The following GFRAL variants were observed in gnomAD, a reference collection of about 807,000 sequenced individuals.
GFRAL encodes the protein GDNF family receptor alpha-like.
GFRAL carries 36 observed loss-of-function variants against 45.4 expected under a neutral mutation model. That is an observed-to-expected ratio of 0.79 (90% CI 0.61 to 1.05). GFRAL has a LOEUF of 1.05. Among genes scored for constraint, GFRAL ranks in the 50% least tolerant of loss-of-function variants. The pLI is 0.00. For synonymous variants in GFRAL, 166 were observed against 154.1 expected (o/e 1.08, Z -0.57); for missense variants, 507 against 467.5 (o/e 1.08, Z -0.78).
chr6:55,358,772 G>A (rs886228845), intron 5 of GFRAL, 116 bp from the exon 6 acceptor site: 2 of 875,002 alleles, frequency 2.3e-6, no homozygotes, highest in Admixed American at 5.1e-5. Flanking sequence ...TTTCAACTAT[G>A]TACTGGCATC....
At chr6:55,363,072 A>C (rs1170332797) in intron 6 of GFRAL, among the ~76,000 whole-genome samples, 1 of 151,808 alleles carries the variant, frequency 6.6e-6, no homozygotes, top group Admixed American at 6.6e-5. Flanking sequence ...AAAGAGGATT[A>C]AGAAAAAGCA....
At chr6:55,381,369 T>G (rs1449964656) in intron 6 of GFRAL, among the ~76,000 whole-genome samples, 1 of 151,938 alleles carries the variant, frequency 6.6e-6, no homozygotes, top group African/African-American at 2.4e-5. Context: ...CATCTGTCTA[T>G]CGATCCCTCA....
intron 3 of GFRAL, among the ~76,000 whole-genome samples, chr6:55,335,366 T>C (rs576545867): frequency 6.6e-6 from 1 of 152,136 alleles, no homozygotes; most frequent in Non-Finnish European, 1.5e-5. Flanking sequence ...GTTGAATAGA[T>C]TTTTTTTAAT....
chr6:55,382,059 G>A (rs1768616512), intron 6 of GFRAL, among the ~76,000 whole-genome samples: 2 of 151,684 alleles, frequency 1.3e-5, no homozygotes, highest in South Asian at 2.1e-4. Flanking sequence ...TTCAGTCCAG[G>A]TGCTAAAAAA....
chr6:55,378,704 A>T (rs1288773720), intron 6 of GFRAL, among the ~76,000 whole-genome samples: 1 of 150,884 alleles, frequency 6.6e-6, no homozygotes, highest in Non-Finnish European at 1.5e-5. Context: ...TGTTTTTTTT[A>T]ATCCCTTTGA....
intron 6 of GFRAL, 111 bp from the exon 7 acceptor site, chr6:55,399,069 A>G (rs566901892): frequency 1.8e-6 from 1 of 559,196 alleles, no homozygotes; most frequent in African/African-American, 1.9e-5. Flanking sequence ...TCAGATTAAA[A>G]TAATGTAATG....
rs569507381 is a variant in GFRAL, at chr6:55,341,359, G to C, written c.316+7415G>C. 3.9e-5 allele frequency among the ~76,000 whole-genome samples: 6 copies of C among 152,284 alleles called. No homozygotes were observed. The South Asian group carries it at 1.0e-3, about 26-fold the overall frequency. On this transcript the variant is annotated intron_variant, in intron 3 of 8. Coordinates refer to ENST00000340465, the MANE Select transcript of GFRAL (RefSeq NM_207410.2). ...GAACGATCAGACAACAACATTTGCT[G>C]TTCAGCAATATTTGCTGTTCTGCAA...
Position 55,399,405 on chromosome 6 carries a change from C to T in GFRAL, c.1085C>T (p.Thr362Ile), listed in dbSNP as rs980907727. The T allele has an allele frequency of 6.2e-7, 1 of 1,611,376 alleles. No homozygotes were observed. The highest frequency in any genetic ancestry group is 8.5e-7 in the Non-Finnish European group (1 of 1,177,692). Residue 362 changes from threonine to isoleucine, a missense_variant, in exon 8 of 9, where the codon ACC becomes ATC. By Grantham distance (89) the Thr-to-Ile change is moderately conservative (BLOSUM62 -1). Coordinates refer to ENST00000340465, the MANE Select transcript of GFRAL (RefSeq NM_207410.2). The stretch of plus-strand genomic sequence containing the variant: ...TATGCTGCCATGTGCATGACAGTCA[C>T]CTGTGGAATCCTTCTGTTGGTTATG... ...VIYAAMCMTVTCGILLLVMVK... is the reference protein window; with the variant it reads ...VIYAAMCMTVICGILLLVMVK...
intron 6 of GFRAL, among the ~76,000 whole-genome samples, chr6:55,364,017 A>T (rs1653899559): frequency 6.9e-6 from 1 of 143,994 alleles, no homozygotes. Flanking sequence ...CGCCACACTG[A>T]CTTCCACAAT....
chr6:55,378,935 T>C (rs1346511532), intron 6 of GFRAL, among the ~76,000 whole-genome samples: 1 of 151,920 alleles, frequency 6.6e-6, no homozygotes, highest in Non-Finnish European at 1.5e-5. Context: ...ACTTAACAGA[T>C]CCGATAATAT....
At chr6:55,371,929 C>T (rs1172717466) in intron 6 of GFRAL, among the ~76,000 whole-genome samples, 1 of 152,084 alleles carries the variant, frequency 6.6e-6, no homozygotes, top group Admixed American at 6.5e-5. Flanking sequence ...GAAGAGTTGC[C>T]TGGGTTTATT....
chr6:55,342,070 G>A (rs1202301250), intron 3 of GFRAL, among the ~76,000 whole-genome samples: 8 of 152,150 alleles, frequency 5.3e-5, no homozygotes, highest in Admixed American at 3.9e-4. Flanking sequence ...AAAGTGATGG[G>A]GAAAATGGAA....
intron 6 of GFRAL, among the ~76,000 whole-genome samples, chr6:55,378,347 GT>G (rs1200689939): frequency 4.6e-5 from 7 of 151,964 alleles, no homozygotes; most frequent in Non-Finnish European, 8.8e-5. Context: ...AAGTAGAAAG[GT>G]TACGGTATTA....
chr6:55,352,949 A>T (rs1157320902), intron 5 of GFRAL, among the ~76,000 whole-genome samples: 2 of 152,106 alleles, frequency 1.3e-5, no homozygotes, highest in Non-Finnish European at 2.9e-5. Flanking sequence ...ATATTAAATT[A>T]AAAATGTATG....
intron 6 of GFRAL, among the ~76,000 whole-genome samples, chr6:55,359,431 A>G (rs1480047164): frequency 6.6e-6 from 1 of 152,078 alleles, no homozygotes. Flanking sequence ...ATAAATGGAT[A>G]TATCAAGTAT....
intron 3 of GFRAL, among the ~76,000 whole-genome samples, chr6:55,336,092 G>A (rs1312060035): frequency 2.6e-5 from 4 of 152,088 alleles, no homozygotes; most frequent in Non-Finnish European, 5.9e-5. Flanking sequence ...TTACAGGCAT[G>A]TGCCACCACA....
intron 6 of GFRAL, among the ~76,000 whole-genome samples, chr6:55,376,143 T>C (rs1486860684): frequency 6.6e-6 from 1 of 152,188 alleles, no homozygotes; most frequent in East Asian, 1.9e-4. Flanking sequence ...TAGTTCTGTT[T>C]ATGTAATGAA....
Position 55,331,802 on chromosome 6 carries a change from G to C in GFRAL, c.110G>C (p.Gly37Ala), listed in dbSNP as rs1392027805. Reference sequence around the variant, plus strand: ...GAGCAATGCTTACGTGATGCAAATGGATGTAAACATGCTTGGAGAGTAATG... The same window carrying C: ...GAGCAATGCTTACGTGATGCAAATGCATGTAAACATGCTTGGAGAGTAATG... ...LREQCLRDAN[G>A]CKHAWRVMED... The change falls in exon 2 of 9, where the codon GGA becomes GCA. Residue 37 changes from glycine (G) to alanine (A), a missense_variant. By Grantham distance (60) the Gly-to-Ala change is moderately conservative (BLOSUM62 0). Coordinates refer to ENST00000340465, the MANE Select transcript of GFRAL (RefSeq NM_207410.2). 6.2e-7 allele frequency: 1 copy of C among 1,611,500 alleles called. No homozygotes were observed. Among genetic ancestry groups the C allele is most frequent in the Non-Finnish European group, 8.5e-7 (1 of 1,178,954 alleles).
chr6:55,330,340 A>G (rs149783259), intron 1 of GFRAL, among the ~76,000 whole-genome samples: 52 of 152,234 alleles, frequency 3.4e-4, no homozygotes, highest in Middle Eastern at 3.4e-3. Context: ...ATTATCCTTA[A>G]TGTCTGTGGG....
Sources: gnomAD v4.1 joint callset for allele counts (sites outside exome capture counted in the v4.1 genomes callset) on GRCh38, gnomAD v4.1.1 for gene constraint, MANE v1.5 for transcripts, NCBI Gene and HGNC (gene_info 2026-07-23, HGNC 2026-07-21) for gene names.